Variants in STPG2 observed in about 807,000 individuals in gnomAD.
STPG2 encodes sperm-tail PG-rich repeat-containing protein 2.
STPG2 carries 56 observed loss-of-function variants against 54.2 expected under a neutral mutation model. That is an observed-to-expected ratio of 1.03 (90% CI 0.83 to 1.29). STPG2 has a LOEUF of 1.29. Ranked by LOEUF, STPG2 falls within the 50% of genes most tolerant of loss-of-function variation. The probability of loss-of-function intolerance (pLI) is 0.00; values close to 1 mark genes in which losing one functional copy is unlikely to be tolerated. For missense variants in STPG2, 596 were observed against 544.9 expected (o/e 1.09, Z -0.93); for synonymous variants, 200 against 181.8 (o/e 1.10, Z -0.81).
intron 10 of STPG2, among the ~76,000 whole-genome samples, chr4:97,661,212 A>G (rs1287351518): frequency 6.6e-6 from 1 of 152,182 alleles, no homozygotes. Flanking sequence ...AACAAGAGAA[A>G]AAGTTACATA....
At chr4:97,698,381 C>A (rs1053739204) in intron 10 of STPG2, among the ~76,000 whole-genome samples, 1 of 152,160 alleles carries the variant, frequency 6.6e-6, no homozygotes, top group Admixed American at 6.5e-5. Context: ...TGATAATCTG[C>A]ATCAGTAACT....
At chr4:97,666,796 A>G (rs184660643) in intron 10 of STPG2, among the ~76,000 whole-genome samples, 101 of 152,370 alleles carry the variant, frequency 6.6e-4, no homozygotes, top group Middle Eastern at 3.4e-3. Context: ...CCAAGATCAT[A>G]AAGATATTAT....
chr4:97,727,509 AC>A (rs1284351213), intron 9 of STPG2, among the ~76,000 whole-genome samples: 1 of 151,846 alleles, frequency 6.6e-6, no homozygotes, highest in Non-Finnish European at 1.5e-5. Flanking sequence ...GAAGCAATAT[AC>A]CCCCAGGTTT....
At chr4:97,698,122 G>A (rs1364077716) in intron 10 of STPG2, among the ~76,000 whole-genome samples, 1 of 151,960 alleles carries the variant, frequency 6.6e-6, no homozygotes, top group Non-Finnish European at 1.5e-5. Flanking sequence ...TCTGGTCTCA[G>A]CAGCATCCCT....
chr4:98,047,308 AG>A (rs1467638925), intron 5 of STPG2, among the ~76,000 whole-genome samples: 1 of 152,182 alleles, frequency 6.6e-6, no homozygotes, highest in African/African-American at 2.4e-5. Flanking sequence ...TCACTGAAGC[AG>A]GACAGGGATA....
At chr4:97,488,777 T>C (rs1409115099) in intron 4 of STPG2, among the ~76,000 whole-genome samples, 2 of 151,738 alleles carry the variant, frequency 1.3e-5, no homozygotes. Flanking sequence ...CCACTCACAT[T>C]GCAATAACTA....
chr4:97,495,466 C>G (rs1042957780), intron 4 of STPG2, among the ~76,000 whole-genome samples: 4 of 151,402 alleles, frequency 2.6e-5, no homozygotes, highest in Non-Finnish European at 5.9e-5. Context: ...ACAAGCTACT[C>G]TTTCTGAATT....
intron 9 of STPG2, among the ~76,000 whole-genome samples, chr4:97,793,655 A>T (rs1727078251): frequency 6.6e-6 from 1 of 151,966 alleles, no homozygotes; most frequent in Admixed American, 6.6e-5. Flanking sequence ...GAAAATAATA[A>T]ATATACATGA....
Position 97,637,059 on chromosome 4 carries a change from A to G in STPG2, c.1320+75640T>C, listed in dbSNP as rs574725075. Among the ~76,000 whole-genome samples, 499 of 152,340 alleles carry G rather than the reference A, an allele frequency of 3.3e-3. 2 individuals are homozygous for G. The highest frequency in any genetic ancestry group is 0.011 in the African/African-American group (471 of 41,582). The stretch of plus-strand genomic sequence containing the variant: ...AACCAAAAAAGAGAATTTTAGAACA[A>G]TATCCTTGATGAACATTGATGCAAA... On this transcript the variant is annotated intron_variant, in intron 10 of 10. Coordinates refer to ENST00000295268, the MANE Select transcript of STPG2 (RefSeq NM_174952.3).
At chr4:97,599,757 G>C (rs776846912) in intron 10 of STPG2, among the ~76,000 whole-genome samples, 16 of 151,080 alleles carry the variant, frequency 1.1e-4, no homozygotes, top group Non-Finnish European at 2.4e-4. Context: ...CTCGGAGGTG[G>C]AGCTTGCAGT....
intron 5 of STPG2, among the ~76,000 whole-genome samples, chr4:98,039,071 T>C (rs560444209): frequency 6.6e-6 from 1 of 151,976 alleles, no homozygotes; most frequent in African/African-American, 2.4e-5. Flanking sequence ...AAATTGGTAA[T>C]AGCTAATAAA....
At chr4:97,674,653 C>A (rs1045948296) in intron 10 of STPG2, among the ~76,000 whole-genome samples, 5 of 152,202 alleles carry the variant, frequency 3.3e-5, no homozygotes, top group Admixed American at 2.0e-4. Context: ...AACAATCAAT[C>A]CTTTCAACAC....
At chr4:97,498,496 A>G (rs1298294888) in intron 4 of STPG2, among the ~76,000 whole-genome samples, 1 of 151,956 alleles carries the variant, frequency 6.6e-6, no homozygotes, top group Non-Finnish European at 1.5e-5. Flanking sequence ...GCTTTTATAT[A>G]TCACAAAACA....
intron 4 of STPG2, among the ~76,000 whole-genome samples, chr4:97,454,764 A>G (rs1014105688): frequency 6.6e-6 from 1 of 152,096 alleles, no homozygotes; most frequent in Non-Finnish European, 1.5e-5. Context: ...ATGACTATGT[A>G]CAAAGAAGTA....
intron 4 of STPG2, among the ~76,000 whole-genome samples, chr4:97,531,745 A>G (rs1252912422): frequency 6.6e-6 from 1 of 152,198 alleles, no homozygotes; most frequent in East Asian, 1.9e-4. Context: ...GATATGTGGG[A>G]ATGGTCAATG....
In STPG2 at chr4:97,748,126, A is replaced by G. The variant is rs963362353; in HGVS notation, c.1205-35312T>C. Among the ~76,000 whole-genome samples the G allele has an allele frequency of 2.0e-5, 3 of 151,476 alleles. No homozygotes were observed. In the Admixed American group the frequency reaches 2.0e-4, roughly 10 times the overall value. On this transcript the variant is annotated intron_variant, in intron 9 of 10. Coordinates refer to ENST00000295268, the MANE Select transcript of STPG2 (RefSeq NM_174952.3). ...GTTAAAGGCCTCAGGACATAATTCA[A>G]TCCTCTGAGGTTGACAGATCAGAAA...
intron 9 of STPG2, among the ~76,000 whole-genome samples, chr4:97,743,347 C>T (rs1725326411): frequency 6.6e-6 from 1 of 151,656 alleles, no homozygotes; most frequent in African/African-American, 2.4e-5. Flanking sequence ...ACATTAAATA[C>T]ACTCAGCTCC....
At chr4:97,624,860 C>T (rs1212805381) in intron 10 of STPG2, among the ~76,000 whole-genome samples, 2 of 152,110 alleles carry the variant, frequency 1.3e-5, no homozygotes, top group Non-Finnish European at 2.9e-5. Context: ...TCTCCCAGCA[C>T]CGTTTATTAA....
At chr4:97,511,805 A>AT (rs1560638604) in intron 4 of STPG2, among the ~76,000 whole-genome samples, 5 of 152,044 alleles carry the variant, frequency 3.3e-5, no homozygotes, top group Non-Finnish European at 7.4e-5. Flanking sequence ...AATTTCCTAC[A>AT]TAAAAAAAAA....
Sources: allele counts gnomAD v4.1 joint callset (sites outside exome capture counted in the v4.1 genomes callset), GRCh38; gene constraint gnomAD v4.1.1; transcripts MANE v1.5; gene names NCBI Gene and HGNC (gene_info 2026-07-23, HGNC 2026-07-21).